Variants in RBFOX1 observed in about 807,000 individuals in gnomAD.
RBFOX1 encodes the protein RNA binding protein fox-1 homolog 1.
Under a neutral mutation model 57.7 loss-of-function variants are expected in RBFOX1, and 8 were observed. The observed-to-expected ratio is 0.14, with a 90% confidence interval of 0.08 to 0.25. The LOEUF (loss-of-function observed/expected upper bound fraction) is 0.25. RBFOX1 is among the 10% of genes least tolerant of loss of function. The pLI is 1.00. For missense variants in RBFOX1, 611 were observed against 548.5 expected (o/e 1.11, Z -1.14); for synonymous variants, 326 against 222.4 (o/e 1.47, Z -4.15).
At chr16:7,367,384 C>G (rs936540324) in intron 4 of RBFOX1, among the ~76,000 whole-genome samples, 1 of 152,204 alleles carries the variant, frequency 6.6e-6, no homozygotes, top group Admixed American at 6.5e-5. Context: ...TTTGGCTAGT[C>G]TTCCTCTGGT....
chr16:6,844,477 TC>T (rs1380821441), intron 3 of RBFOX1, among the ~76,000 whole-genome samples: 1 of 152,208 alleles, frequency 6.6e-6, no homozygotes, highest in Admixed American at 6.5e-5. Context: ...TTAGTTATCT[TC>T]CAACTCCATC....
chr16:6,259,813 T>C (rs1460560596), intron 1 of RBFOX1, among the ~76,000 whole-genome samples: 2 of 151,834 alleles, frequency 1.3e-5, no homozygotes, highest in African/African-American at 4.8e-5. Context: ...CAAAAAAAAG[T>C]AGCCAGGCCT....
chr16:7,434,447 G>A (rs190593796), intron 4 of RBFOX1, among the ~76,000 whole-genome samples: 1 of 151,852 alleles, frequency 6.6e-6, no homozygotes, highest in African/African-American at 2.4e-5. Context: ...ACTCCAGCCC[G>A]GGCGACAGAG....
intron 3 of RBFOX1, among the ~76,000 whole-genome samples, chr16:6,894,959 C>T (rs2066401278): frequency 6.6e-6 from 1 of 152,160 alleles, no homozygotes. Context: ...GAATTTGCAA[C>T]ATACACCCTT....
intron 2 of RBFOX1, among the ~76,000 whole-genome samples, chr16:6,530,412 A>G (rs904324917): frequency 1.3e-5 from 2 of 152,164 alleles, no homozygotes; most frequent in Admixed American, 6.5e-5. Context: ...CAAGATGGGG[A>G]GACAGTGGGC....
intron 1 of RBFOX1, among the ~76,000 whole-genome samples, chr16:5,299,017 A>G (rs2063742847): frequency 7.1e-6 from 1 of 140,910 alleles, no homozygotes; most frequent in South Asian, 2.5e-4. Context: ...CCACACAACC[A>G]TCATGCCAAA....
chr16:7,414,457 C>G lies in RBFOX1; in HGVS notation c.28-103690C>G, dbSNP rs35374134. 3.7e-3 allele frequency among the ~76,000 whole-genome samples: 560 copies of G among 152,284 alleles called. 1 individual carries two copies. The highest frequency in any genetic ancestry group is 0.012 in the African/African-American group (506 of 41,558). On this transcript the variant is annotated intron_variant, in intron 4 of 15. Transcript: ENST00000550418. ...ATCTTCAATTAAAATGTGATTCTTT[C>G]TAATGTGAGCCACAGAATTTAACAC...
intron 3 of RBFOX1, among the ~76,000 whole-genome samples, chr16:5,693,900 G>C (rs2050769637): frequency 1.3e-5 from 2 of 152,214 alleles, no homozygotes; most frequent in South Asian, 4.2e-4. Context: ...TGTCTTCTGG[G>C]CTGCCTCATT....
At chr16:7,161,091 G>C (rs942537906) in intron 4 of RBFOX1, among the ~76,000 whole-genome samples, 2 of 151,536 alleles carry the variant, frequency 1.3e-5, no homozygotes, top group Non-Finnish European at 2.9e-5. Flanking sequence ...CATATTTGCA[G>C]AGTGTATTTA....
intron 3 of RBFOX1, among the ~76,000 whole-genome samples, chr16:6,806,556 G>C (rs1603627199): frequency 6.6e-6 from 1 of 151,908 alleles, no homozygotes; most frequent in African/African-American, 2.4e-5. Flanking sequence ...CTGTGGAGAA[G>C]AAATGGATTT....
At chr16:5,953,058 C>T (rs754338630) in intron 4 of RBFOX1, among the ~76,000 whole-genome samples, 1 of 126,162 alleles carries the variant, frequency 7.9e-6, no homozygotes. Flanking sequence ...GGAAGATTAT[C>T]AAGAAAGTAC....
chr16:7,246,283 T>C (rs2152994859), intron 4 of RBFOX1, among the ~76,000 whole-genome samples: 1 of 152,272 alleles, frequency 6.6e-6, no homozygotes, highest in African/African-American at 2.4e-5. Context: ...TCCAATTGCC[T>C]CTCACCTGGG....
intron 4 of RBFOX1, among the ~76,000 whole-genome samples, chr16:7,067,522 C>A (rs1422092543): frequency 6.7e-6 from 1 of 149,748 alleles, no homozygotes; most frequent in East Asian, 2.0e-4. Flanking sequence ...TCCCTGTTTT[C>A]TTTTTTTGTT....
At chr16:7,292,916 G>A (rs767771242) in intron 4 of RBFOX1, among the ~76,000 whole-genome samples, 8 of 152,230 alleles carry the variant, frequency 5.3e-5, no homozygotes, top group South Asian at 2.1e-4. Flanking sequence ...AACTGTTGCC[G>A]AGCTTTTAAG....
intron 3 of RBFOX1, among the ~76,000 whole-genome samples, chr16:5,668,565 C>T (rs1320588891): frequency 6.6e-6 from 1 of 152,144 alleles, no homozygotes. Flanking sequence ...GGACTGTTTT[C>T]CTCTTCAGAT....
chr16:6,430,616 G>A (rs914400989), intron 2 of RBFOX1, among the ~76,000 whole-genome samples: 1 of 152,174 alleles, frequency 6.6e-6, no homozygotes, highest in Non-Finnish European at 1.5e-5. Context: ...GACGGGTGGA[G>A]AGTAAGGCCA....
intron 14 of RBFOX1, among the ~76,000 whole-genome samples, chr16:7,703,808 A>G (rs1401229772): frequency 6.6e-6 from 1 of 152,214 alleles, no homozygotes; most frequent in African/African-American, 2.4e-5. Flanking sequence ...TATCCATTTG[A>G]ACTACATCTG....
intron 2 of RBFOX1, among the ~76,000 whole-genome samples, chr16:6,327,994 G>A (rs543826429): frequency 6.6e-6 from 1 of 152,246 alleles, no homozygotes; most frequent in African/African-American, 2.4e-5. Context: ...AACGTATAAA[G>A]GTTGTGCATT....
At chr16:5,909,453 A>G (rs983207083) in intron 4 of RBFOX1, among the ~76,000 whole-genome samples, 4 of 152,228 alleles carry the variant, frequency 2.6e-5, no homozygotes, top group African/African-American at 9.6e-5. Context: ...AATAGATAAA[A>G]GGAGAGATGG....
Sources: gnomAD v4.1 joint callset for allele counts (sites outside exome capture counted in the v4.1 genomes callset) on GRCh38, gnomAD v4.1.1 for gene constraint, MANE v1.5 for transcripts, NCBI Gene and HGNC (gene_info 2026-07-23, HGNC 2026-07-21) for gene names.